MBNL1: variants seen among roughly 807,000 people sequenced by gnomAD.
MBNL1 encodes muscleblind-like protein 1.
MBNL1 carries 8 observed loss-of-function variants against 42.2 expected under a neutral mutation model. The ratio of observed to expected loss-of-function variants is 0.19; its 90% confidence interval spans 0.11 to 0.34. The LOEUF is 0.34. Ranked by LOEUF, MBNL1 falls within the 10% of genes least tolerant of loss-of-function variation. MBNL1 has a pLI of 1.00. For missense variants in MBNL1, 309 were observed against 495.3 expected, an observed-to-expected ratio of 0.62 and a Z score of 3.57; for synonymous variants, 169 against 173.9, an observed-to-expected ratio of 0.97 and a Z score of 0.22.
chr3:152,349,003 T>C (rs559425477), intron 2 of MBNL1, among the ~76,000 whole-genome samples: 1 of 152,192 alleles, frequency 6.6e-6, no homozygotes, highest in Admixed American at 6.6e-5. Flanking sequence ...TAAGTCTTAC[T>C]ACCTCCTGGG....
At chr3:152,322,967 A>C (rs2077286367) in intron 2 of MBNL1, among the ~76,000 whole-genome samples, 1 of 152,064 alleles carries the variant, frequency 6.6e-6, no homozygotes, top group African/African-American at 2.4e-5. Context: ...TAAGTAATAG[A>C]CTGACGGTTT....
At chr3:152,350,606 G>A (rs2152979817) in intron 2 of MBNL1, among the ~76,000 whole-genome samples, 1 of 152,146 alleles carries the variant, frequency 6.6e-6, no homozygotes, top group Middle Eastern at 3.4e-3. Context: ...CGCTAAAATA[G>A]GGAAATATCA....
intron 1 of MBNL1, among the ~76,000 whole-genome samples, chr3:152,296,134 CT>C (rs1183655354): frequency 6.6e-6 from 1 of 152,172 alleles, no homozygotes; most frequent in East Asian, 1.9e-4. Context: ...GTAGATGACT[CT>C]TTAGATATTT....
intron 3 of MBNL1, among the ~76,000 whole-genome samples, chr3:152,430,681 G>T (rs1349443363): frequency 6.6e-6 from 1 of 152,196 alleles, no homozygotes; most frequent in Non-Finnish European, 1.5e-5. Flanking sequence ...TGTCACCTGG[G>T]CAGAGAGTGG....
chr3:152,273,268 TA>T (rs1337213278), intron 1 of MBNL1, among the ~76,000 whole-genome samples: 1 of 152,250 alleles, frequency 6.6e-6, no homozygotes, highest in African/African-American at 2.4e-5. Flanking sequence ...ACATATTTTT[TA>T]TTTTTAAATT....
intron 2 of MBNL1, among the ~76,000 whole-genome samples, chr3:152,345,007 A>G (rs1006027658): frequency 3.9e-5 from 6 of 152,100 alleles, no homozygotes; most frequent in African/African-American, 1.2e-4. Context: ...TTTCATGGCT[A>G]TGTATGCCTG....
At chr3:152,387,397 A>G (rs1485505110) in intron 2 of MBNL1, among the ~76,000 whole-genome samples, 1 of 152,170 alleles carries the variant, frequency 6.6e-6, no homozygotes, top group African/African-American at 2.4e-5. Context: ...GAAATTGTCT[A>G]CATTCAAGAC....
At chr3:152,299,015 C>G (rs1334295509) in intron 1 of MBNL1, 1 of 152,600 alleles carries the variant, frequency 6.6e-6, no homozygotes, top group Non-Finnish European at 1.5e-5. Context: ...AACCCACATG[C>G]TCGTCCTCTT....
chr3:152,353,171 G>C (rs2095228460), intron 2 of MBNL1, among the ~76,000 whole-genome samples: 1 of 152,118 alleles, frequency 6.6e-6, no homozygotes, highest in Non-Finnish European at 1.5e-5. Flanking sequence ...TCCTAGCAAA[G>C]GTGTCTTTCT....
chr3:152,455,722 G>A lies in MBNL1; in HGVS notation c.997+145G>A, dbSNP rs1732307667. On this transcript the variant is annotated intron_variant, in intron 7 of 9. Transcript: ENST00000324210. ...ACTTGTCAATTAAATGCCATTTTCT[G>A]TTTAATTGACATGGACTCACATAAG... is the stretch of plus-strand genomic sequence containing the variant. 1.1e-5 allele frequency: 8 copies of A among 705,650 alleles called. No individual in the cohort carries two copies. In the South Asian group the frequency reaches 1.4e-4, roughly 13 times the overall value. The allele number at this position is 705,650 out of a possible 1,614,324, so 43.7% of individuals were successfully genotyped here. A position where few individuals can be genotyped will look rare whatever the true frequency, so the allele number is the denominator to read the frequency against.
At chr3:152,415,154 A>C in intron 3 of MBNL1, 43 bp downstream of exon 3, 2 of 1,521,342 alleles carry the variant, frequency 1.3e-6, no homozygotes, top group Middle Eastern at 1.8e-4. Context: ...TTTTGATTCA[A>C]AGTGCTCAGT....
chr3:152,378,138 A>T (rs1047201412), intron 2 of MBNL1, among the ~76,000 whole-genome samples: 3 of 152,100 alleles, frequency 2.0e-5, no homozygotes, highest in South Asian at 2.1e-4. Flanking sequence ...GGAGATCGAG[A>T]CCAGCCTGGG....
intron 2 of MBNL1, among the ~76,000 whole-genome samples, chr3:152,336,314 T>G (rs1361107150): frequency 6.6e-6 from 1 of 152,158 alleles, no homozygotes; most frequent in Non-Finnish European, 1.5e-5. Context: ...CCAATGGGAT[T>G]AAGAGCATAG....
chr3:152,462,466 A>G lies in MBNL1; in HGVS notation c.*100A>G, dbSNP rs1014912455. 6.6e-6 allele frequency: 1 copy of G among 152,200 alleles called. No individual in the cohort carries two copies. The highest frequency in any genetic ancestry group is 2.4e-5 in the African/African-American group (1 of 41,452). The allele number at this position is 152,200 out of a possible 1,614,324, so 9.4% of individuals were successfully genotyped here. ...AGCCATATTGTATATATCGTCAAGC[A>G]ACACACACAAAAGTTCCTCAGCCAC... On this transcript the variant is annotated 3_prime_UTR_variant, in exon 10 of 10. Coordinates refer to ENST00000324210, the MANE Select transcript of MBNL1 (RefSeq NM_021038.5).
chr3:152,434,238 A>G (rs1488129051), intron 4 of MBNL1, among the ~76,000 whole-genome samples: 2 of 152,026 alleles, frequency 1.3e-5, no homozygotes, highest in African/African-American at 2.4e-5. Flanking sequence ...AACATCTGTT[A>G]TTTCCCTCTT....
Position 152,379,465 on chromosome 3 carries a change from A to G in MBNL1, c.175-35476A>G, listed in dbSNP as rs540889432. Among the ~76,000 whole-genome samples, 11 of 152,318 alleles carry G rather than the reference A, an allele frequency of 7.2e-5. No homozygotes were observed. In the South Asian group the frequency reaches 2.1e-3, roughly 29 times the overall value. On this transcript the variant is annotated intron_variant, in intron 2 of 9. Coordinates refer to ENST00000324210, the MANE Select transcript of MBNL1 (RefSeq NM_021038.5). ...CTATGAGTTATATTTTTGGAAAAAT[A>G]TATTTTCCTTTCTTGGGGACCTTTC...
At chr3:152,298,100 T>C (rs35131137) in intron 1 of MBNL1, among the ~76,000 whole-genome samples, 29,895 of 152,178 alleles carry the variant, frequency 0.2, 3,509 homozygotes, top group Middle Eastern at 0.34. Context: ...TGTTTTTTAA[T>C]GTACGTATGT....
chr3:152,334,761 A>G, intron 2 of MBNL1, among the ~76,000 whole-genome samples: 1 of 152,208 alleles, frequency 6.6e-6, no homozygotes, highest in Non-Finnish European at 1.5e-5. Context: ...GGATGAATGA[A>G]AATTTAAAAA....
chr3:152,400,261 C>A (rs2098156656), intron 2 of MBNL1, among the ~76,000 whole-genome samples: 1 of 152,158 alleles, frequency 6.6e-6, no homozygotes, highest in African/African-American at 2.4e-5. Context: ...GTTGAGACAT[C>A]TTCTCTCCTT....
Sources: gnomAD v4.1 joint callset for allele counts (sites outside exome capture counted in the v4.1 genomes callset) on GRCh38, gnomAD v4.1.1 for gene constraint, MANE v1.5 for transcripts, NCBI Gene and HGNC (gene_info 2026-07-23, HGNC 2026-07-21) for gene names.